MACF1: variants seen among roughly 807,000 people sequenced by gnomAD.
MACF1 encodes microtubule-actin cross-linking factor 1.
Under a neutral mutation model 854.8 loss-of-function variants are expected in MACF1, and 193 were observed. The ratio of observed to expected loss-of-function variants is 0.23; its 90% CI spans 0.20 to 0.25. The LOEUF (loss-of-function observed/expected upper bound fraction) is 0.25, where lower values mean the gene tolerates loss of function less well. MACF1 is among the 10% of genes least tolerant of loss of function. The pLI is 1.00. For synonymous variants in MACF1, 3,185 were observed against 3,226.7 expected (o/e 0.99, Z 0.44); for missense variants, 7,722 against 8,929.1 (o/e 0.86, Z 5.45).
chr1:39,284,212 G>A, intron 10 of MACF1, 27 bp downstream of exon 10: 5 of 1,605,040 alleles, frequency 3.1e-6, no homozygotes, highest in Non-Finnish European at 4.2e-6. Flanking sequence ...AAATTTTTTT[G>A]GTAAAATCTT....
chr1:39,139,047 AC>A (rs1643257715), intron 2 of MACF1, among the ~76,000 whole-genome samples: 2 of 152,212 alleles, frequency 1.3e-5, no homozygotes, highest in South Asian at 4.1e-4. Flanking sequence ...TTCTGCACAA[AC>A]TACGTAATTT....
chr1:39,095,913 A>C (rs1332756276), intron 2 of MACF1, among the ~76,000 whole-genome samples: 1 of 152,080 alleles, frequency 6.6e-6, no homozygotes, highest in Non-Finnish European at 1.5e-5. Context: ...TCATGCCTGT[A>C]ATCCCAACAC....
intron 92 of MACF1, among the ~76,000 whole-genome samples, chr1:39,461,100 A>T (rs1570163189): frequency 6.6e-6 from 1 of 152,142 alleles, no homozygotes; most frequent in Admixed American, 6.5e-5. Context: ...AAAAAAAAAA[A>T]AGACAGTGGT....
At chr1:39,316,359 G>T in intron 27 of MACF1, 32 bp from the exon 28 acceptor site, 1 of 1,573,312 alleles carries the variant, frequency 6.4e-7, no homozygotes, top group Admixed American at 1.7e-5. Flanking sequence ...AAATTCATGT[G>T]TTAATGAAGG....
At chr1:39,311,148 T>C (rs1433713287) in intron 26 of MACF1, 148 bp downstream of exon 26, 4 of 827,100 alleles carry the variant, frequency 4.8e-6, no homozygotes, top group Non-Finnish European at 7.2e-6. Context: ...TAAATGTCTT[T>C]TACCCGTGGA....
In MACF1 at chr1:39,084,837, C is replaced by T. The variant is rs1641628645; in HGVS notation, c.220+399C>T. The stretch of plus-strand genomic sequence containing the variant: ...TACCATTTCTAAAAGCTGTCTATTT[C>T]ATGACTTTCTAAATCCTACTCTTTT... On this transcript the variant is annotated intron_variant, in intron 2 of 93. Coordinates refer to the MACF1 transcript ENST00000361689. This position sits in a 1 kb window ranked among gnomAD's most constrained non-coding sequence, Gnocchi z 5.2. Among the ~76,000 whole-genome samples, 1 of 152,208 alleles carries T rather than the reference C, an allele frequency of 6.6e-6. No homozygotes were observed. The highest frequency in any genetic ancestry group is 1.5e-5 in the Non-Finnish European group (1 of 68,028).
chr1:39,340,364 A>T, intron 38 of MACF1, 138 bp from the exon 39 acceptor site: 2 of 627,434 alleles, frequency 3.2e-6, no homozygotes, highest in South Asian at 3.9e-5. Flanking sequence ...AACCAAGTAA[A>T]CTAATGAATG....
intron 97 of MACF1, 114 bp from the exon 98 acceptor site, chr1:39,479,684 A>G: frequency 2.4e-6 from 2 of 833,174 alleles, no homozygotes; most frequent in South Asian, 3.3e-5. Flanking sequence ...CACAGATGGT[A>G]CTAAACCCAT....
At chr1:39,160,034 G>T (rs1034012501) in intron 2 of MACF1, among the ~76,000 whole-genome samples, 2 of 152,124 alleles carry the variant, frequency 1.3e-5, no homozygotes, top group East Asian at 3.8e-4. Flanking sequence ...GGATATACAG[G>T]TCGGGCATGG....
At chr1:39,098,789 T>G (rs1248455445) in intron 2 of MACF1, among the ~76,000 whole-genome samples, 1 of 152,046 alleles carries the variant, frequency 6.6e-6, no homozygotes, top group Non-Finnish European at 1.5e-5. Flanking sequence ...GCTGGCACCC[T>G]CCAGGCCTCT....
In MACF1 at chr1:39,383,274, G is replaced by A. The variant is rs926772863; in HGVS notation, c.13848+1122G>A. 2.6e-5 allele frequency among the ~76,000 whole-genome samples: 4 copies of A among 152,220 alleles called. No homozygotes were observed. The South Asian group carries it at 8.3e-4, about 32-fold the overall frequency. On this transcript the variant is annotated intron_variant, in intron 56 of 100. Coordinates refer to ENST00000564288, the MANE Select transcript of MACF1 (RefSeq NM_001394062.1). ...TTAAGACCTAAGAGTACTTTTTGAA[G>A]GAACTGCTTCTTTTAGTTCCTGCAT...
intron 2 of MACF1, among the ~76,000 whole-genome samples, chr1:39,092,136 G>A (rs986533234): frequency 1.1e-4 from 16 of 152,176 alleles, no homozygotes; most frequent in African/African-American, 3.9e-4. Flanking sequence ...ATAGGAATTA[G>A]CCAGGACAAC....
At chr1:39,445,255 A>T (rs1298151888) in intron 80 of MACF1, among the ~76,000 whole-genome samples, 1 of 152,218 alleles carries the variant, frequency 6.6e-6, no homozygotes, top group Non-Finnish European at 1.5e-5. Context: ...ATCAGGAGAG[A>T]AGTAAATTAT....
chr1:39,126,107 CG>C (rs1642854256), intron 2 of MACF1, among the ~76,000 whole-genome samples: 1 of 152,048 alleles, frequency 6.6e-6, no homozygotes, highest in African/African-American at 2.4e-5. Flanking sequence ...ATAACAATAA[CG>C]AAGTACCACA....
intron 27 of MACF1, 127 bp downstream of exon 27, chr1:39,315,818 A>G (rs1646401560): frequency 1.1e-6 from 1 of 915,970 alleles, no homozygotes; most frequent in African/African-American, 1.7e-5. Context: ...ACTGATAATG[A>G]GAGGTCTTGG....
At chr1:39,093,022 G>C (rs1641845204) in intron 2 of MACF1, among the ~76,000 whole-genome samples, 1 of 152,098 alleles carries the variant, frequency 6.6e-6, no homozygotes, top group African/African-American at 2.4e-5. Context: ...CTGACCTCAT[G>C]ATCCACCCGC....
chr1:39,325,545 A>G (rs912790699), intron 35 of MACF1, among the ~76,000 whole-genome samples: 4 of 152,242 alleles, frequency 2.6e-5, no homozygotes, highest in South Asian at 4.1e-4. Flanking sequence ...AAAAGATACA[A>G]TGGACTTAAC....
intron 2 of MACF1, among the ~76,000 whole-genome samples, chr1:39,246,094 T>G (rs951599409): frequency 5.9e-5 from 9 of 152,240 alleles, no homozygotes; most frequent in African/African-American, 2.2e-4. Context: ...CTTACCTCTT[T>G]CACTGTTATT....
At chr1:39,210,439 C>G (rs669353) in intron 1 of MACF1, among the ~76,000 whole-genome samples, 5,367 of 151,074 alleles carry the variant, frequency 0.036, 253 homozygotes, top group African/African-American at 0.11. Context: ...AATTTCAAGC[C>G]TCCTCCCACC....
Sources: gnomAD v4.1 joint callset for allele counts (sites outside exome capture counted in the v4.1 genomes callset) on GRCh38, gnomAD v4.1.1 for gene constraint, Gnocchi (gnomAD v3.1) non-coding constraint, MANE v1.5 for transcripts, NCBI Gene and HGNC (gene_info 2026-07-23, HGNC 2026-07-21) for gene names.